The following CRBN variants were observed in gnomAD, a reference collection of about 807,000 sequenced individuals.
The protein encoded by CRBN is cereblon.
Under a neutral mutation model 62.2 loss-of-function variants are expected in CRBN, and 53 were observed. The observed-to-expected ratio is 0.85, with a 90% CI of 0.68 to 1.07. The LOEUF (loss-of-function observed/expected upper bound fraction) is 1.07, where lower values mean the gene tolerates loss of function less well. CRBN is among the 50% of genes least tolerant of loss of function. The pLI is 0.00. For missense variants in CRBN, 616 were observed against 531.1 expected (o/e 1.16, Z -1.57); for synonymous variants, 208 against 176.1 (o/e 1.18, Z -1.43).
chr3:3,168,928 A>C lies in CRBN; in HGVS notation c.528-1135T>G, dbSNP rs187958301. ...TCAAGTGTTCTTATATTATTATTAGAGCTCATTAGAAACAAAATCTCAATT... is the reference window on the plus strand; with the variant it reads ...TCAAGTGTTCTTATATTATTATTAGCGCTCATTAGAAACAAAATCTCAATT... On this transcript the variant is annotated intron_variant, in intron 4 of 10. Coordinates refer to ENST00000231948, the MANE Select transcript of CRBN (RefSeq NM_016302.4). Among the ~76,000 whole-genome samples the C allele has an allele frequency of 7.0e-4, 106 of 152,292 alleles. No individual in the cohort carries two copies. In the East Asian group the frequency reaches 0.012, roughly 17 times the overall value.
intron 10 of CRBN, among the ~76,000 whole-genome samples, chr3:3,151,529 A>G (rs975830578): frequency 6.6e-6 from 1 of 152,250 alleles, no homozygotes; most frequent in East Asian, 1.9e-4. Flanking sequence ...CGATTGTCAG[A>G]TAATGCAACC....
At chr3:3,157,670 G>A (rs892572874) in intron 5 of CRBN, among the ~76,000 whole-genome samples, 1 of 152,106 alleles carries the variant, frequency 6.6e-6, no homozygotes, top group Non-Finnish European at 1.5e-5. Context: ...TCGGGACTGA[G>A]CTGACAGCTG....
chr3:3,170,187 G>A (rs1044886363), intron 4 of CRBN, among the ~76,000 whole-genome samples: 1 of 152,116 alleles, frequency 6.6e-6, no homozygotes, highest in East Asian at 1.9e-4. Flanking sequence ...CACCATGTTG[G>A]CCAAGCTGGT....
Position 3,153,411 on chromosome 3 carries a change from A to G in CRBN, c.1016+13T>C, listed in dbSNP as rs376902894. 2.8e-6 allele frequency: 4 copies of G among 1,415,064 alleles called. No homozygotes were observed. Among genetic ancestry groups the G allele is most frequent in the Non-Finnish European group, 4.0e-6 (4 of 999,068 alleles). 87.7% of individuals were successfully genotyped at this position (1,415,064 alleles called of 1,614,324 possible). On this transcript the variant is annotated intron_variant, in intron 9 of 10. Coordinates refer to ENST00000231948, the MANE Select transcript of CRBN (RefSeq NM_016302.4). ...ATAAGGCAAGTATATTAAAAACGTA[A>G]TAAAGACCTTACCTGAATATTTCAT...
At chr3:3,156,476 T>TA (rs1185126535) in intron 5 of CRBN, 195 bp from the exon 6 acceptor site, 2 of 588,120 alleles carry the variant, frequency 3.4e-6, no homozygotes, top group Non-Finnish European at 6.1e-6. Context: ...TTCAAATATA[T>TA]ATTGTAACTA....
At chr3:3,167,860 T>G in intron 4 of CRBN, 67 bp from the exon 5 acceptor site, 1 of 1,461,864 alleles carries the variant, frequency 6.8e-7, no homozygotes, top group South Asian at 1.2e-5. Flanking sequence ...TATAAGTTTC[T>G]AAACAGTGAT....
chr3:3,150,825 T>A lies in CRBN; in HGVS notation c.*40A>T. 6.4e-7 allele frequency: 1 copy of A among 1,563,054 alleles called. No homozygotes were observed. The highest frequency in any genetic ancestry group is 2.3e-5 in the East Asian group (1 of 44,150). ...AATTTCCAAAGCAGATCTTAGAATA[T>A]AACCAATTTGTTAGATAACTTTATC... On this transcript the variant is annotated 3_prime_UTR_variant, in exon 11 of 11. Coordinates refer to ENST00000231948, the MANE Select transcript of CRBN (RefSeq NM_016302.4).
rs1706470111 is a variant in CRBN, at chr3:3,150,707, TAC to T, written c.*156_*157del. 15 of 709,726 alleles carry T rather than the reference TAC, an allele frequency of 2.1e-5. No homozygotes were observed. The South Asian group carries it at 2.5e-4, about 12-fold the overall frequency. The allele number at this position is 709,726 out of a possible 1,614,324, so 44.0% of individuals were successfully genotyped here. On this transcript the variant is annotated 3_prime_UTR_variant, in exon 11 of 11. Coordinates refer to ENST00000231948, the MANE Select transcript of CRBN (RefSeq NM_016302.4). The stretch of plus-strand genomic sequence containing the variant: ...CTAAAGTATACTTAAAAGTTTCAAA[TAC>T]AGTTTCACTTAGAAACTGCAACCCT...
At chr3:3,166,766 A>C (rs529272411) in intron 5 of CRBN, among the ~76,000 whole-genome samples, 4 of 152,284 alleles carry the variant, frequency 2.6e-5, no homozygotes, top group African/African-American at 9.6e-5. Flanking sequence ...AAGAACAATA[A>C]AAATTCGGTA....
Position 3,175,288 on chromosome 3 carries a change from G to C in CRBN, c.68-19C>G. On this transcript the variant is annotated intron_variant, in intron 1 of 10. Coordinates refer to ENST00000231948, the MANE Select transcript of CRBN (RefSeq NM_016302.4). ...CTCTCTGCTATAAAAGTAGAATATTGTAAGAAAAAAAAAAAGATGAATGAA... is the reference window on the plus strand; with the variant it reads ...CTCTCTGCTATAAAAGTAGAATATTCTAAGAAAAAAAAAAAGATGAATGAA... 6.7e-7 allele frequency: 1 copy of C among 1,492,330 alleles called. No homozygotes were observed. The highest frequency in any genetic ancestry group is 9.3e-7 in the Non-Finnish European group (1 of 1,077,196). 92.4% of individuals were successfully genotyped at this position (1,492,330 alleles called of 1,614,324 possible). A position where few individuals can be genotyped will look rare whatever the true frequency, so the allele number is the denominator to read the frequency against.
intron 7 of CRBN, 121 bp from the exon 8 acceptor site, chr3:3,154,196 A>G: frequency 1.5e-6 from 1 of 679,818 alleles, no homozygotes; most frequent in Non-Finnish European, 2.7e-6. Flanking sequence ...ATTTTATACA[A>G]GTATAAACAA....
In CRBN at chr3:3,169,017, C is replaced by G. The variant is rs531752793; in HGVS notation, c.528-1224G>C. Among the ~76,000 whole-genome samples the G allele has an allele frequency of 5.9e-5, 9 of 152,220 alleles. 1 individual carries two copies. Among genetic ancestry groups the G allele is most frequent in the African/African-American group, 2.2e-4 (9 of 41,526 alleles). On this transcript the variant is annotated intron_variant, in intron 4 of 10. Transcript: ENST00000231948. ...TACATTATGAAGGTAAAAGTATATA[C>G]CATCCTATAGAAATTTTTAGAAATC... is the stretch of plus-strand genomic sequence containing the variant.
chr3:3,153,710 G>T (rs953762977), intron 8 of CRBN: 1 of 613,962 alleles, frequency 1.6e-6, no homozygotes, highest in Non-Finnish European at 2.9e-6. Context: ...CTTCTCTAGA[G>T]TAAAGGAATA....
At position 3,175,196 on chromosome 3, in the gene CRBN, T is replaced by C. The variant is rs753877802; in HGVS notation, c.141A>G (p.Ile47Met). 6.2e-7 allele frequency: 1 copy of C among 1,613,618 alleles called. No individual in the cohort carries two copies. Among genetic ancestry groups the C allele is most frequent in the Admixed American group, 1.7e-5 (1 of 60,022 alleles). Residue 47 changes from isoleucine to methionine, a missense_variant, in exon 2 of 11, where the codon ATA (isoleucine) becomes ATG (methionine). Coordinates refer to ENST00000231948, the MANE Select transcript of CRBN (RefSeq NM_016302.4). ...DSKEAKKPNI[I>M]NFDTSLPTSH... ...ATGTCGGCAGACTGGTGTCAAAATT[T>C]ATGATGTTTGGTTTTTTGGCTTCTT...
chr3:3,154,197 G>A (rs1431372298), intron 7 of CRBN, 122 bp from the exon 8 acceptor site: 6 of 678,670 alleles, frequency 8.8e-6, no homozygotes, highest in East Asian at 8.1e-5. Flanking sequence ...TTTTATACAA[G>A]TATAAACAAT....
At position 3,169,059 on chromosome 3, in the gene CRBN, T is replaced by C. The variant is rs115433222; in HGVS notation, c.528-1266A>G. ...TTAGAAATCTGATTCTTCAAGGTTA[T>C]AGGTAACTGAATTAAGAACTATGCT... On this transcript the variant is annotated intron_variant, in intron 4 of 10. Transcript: ENST00000231948. Among the ~76,000 whole-genome samples, 279 of 152,342 alleles carry C rather than the reference T, an allele frequency of 1.8e-3. 2 individuals carry two copies. The highest frequency in any genetic ancestry group is 6.3e-3 in the African/African-American group (263 of 41,584).
In CRBN at chr3:3,174,079, G is replaced by A. The variant is rs1450157162; in HGVS notation, c.357C>T (p.Thr119=). Residue 119 remains threonine (T), a synonymous_variant, in exon 3 of 11, where the codon ACC becomes ACT. Coordinates refer to ENST00000231948, the MANE Select transcript of CRBN (RefSeq NM_016302.4). ...MVRNLIQKDR[T]FAVLAYSNVQ... is the part of the protein sequence containing the mutation. ...TTTACCTGTATGCAAGAACAGCAAAGGTTCTATCTTTCTGAATTAAATTCC... is the reference window on the plus strand; with the variant it reads ...TTTACCTGTATGCAAGAACAGCAAAAGTTCTATCTTTCTGAATTAAATTCC... 6.2e-7 allele frequency: 1 copy of A among 1,614,048 alleles called. No homozygotes were observed. The highest frequency in any genetic ancestry group is 2.2e-5 in the East Asian group (1 of 44,874).
At chr3:3,171,316 G>C (rs1343420506) in intron 4 of CRBN, among the ~76,000 whole-genome samples, 1 of 152,108 alleles carries the variant, frequency 6.6e-6, no homozygotes, top group African/African-American at 2.4e-5. Context: ...AAGATAAGAA[G>C]TACTTTAAAA....
intron 10 of CRBN, among the ~76,000 whole-genome samples, chr3:3,151,644 C>CA (rs746012386): frequency 2.0e-5 from 3 of 152,048 alleles, no homozygotes; most frequent in Non-Finnish European, 4.4e-5. Flanking sequence ...TTTATAGTAA[C>CA]AAATGTATTC....
Sources: allele counts gnomAD v4.1 joint callset (sites outside exome capture counted in the v4.1 genomes callset), GRCh38; gene constraint gnomAD v4.1.1; transcripts MANE v1.5; gene names NCBI Gene and HGNC (gene_info 2026-07-23, HGNC 2026-07-21).